Variants in TTC28 observed in about 807,000 individuals in gnomAD.
TTC28 encodes the protein tetratricopeptide repeat domain 28.
A neutral mutation model predicts 198.0 loss-of-function variants in TTC28; 61 were observed. The observed-to-expected ratio is 0.31, with a 90% CI of 0.25 to 0.38. TTC28 has a LOEUF of 0.38. TTC28 is among the 10% of genes least tolerant of loss of function. The probability of loss-of-function intolerance (pLI) is 1.00; values close to 1 mark genes in which losing one functional copy is unlikely to be tolerated. For synonymous variants in TTC28, 1,171 were observed against 1,297.8 expected (o/e 0.90, Z 2.10); for missense variants, 2,678 against 3,164.0 (o/e 0.85, Z 3.69).
chr22:28,487,924 C>A (rs2048331410), intron 2 of TTC28, among the ~76,000 whole-genome samples: 3 of 152,168 alleles, frequency 2.0e-5, no homozygotes, highest in Admixed American at 2.0e-4. Context: ...ATTCAAAATG[C>A]ATTTTGCAAC....
intron 5 of TTC28, among the ~76,000 whole-genome samples, chr22:28,198,644 C>T (rs553511150): frequency 8.5e-5 from 13 of 152,234 alleles, no homozygotes; most frequent in South Asian, 6.2e-4. Context: ...GGTTCTCCTT[C>T]ATGAAGCAGT....
At chr22:28,306,411 C>G in intron 3 of TTC28, 85 bp downstream of exon 3, 4 of 1,437,794 alleles carry the variant, frequency 2.8e-6, no homozygotes, top group Non-Finnish European at 3.7e-6. Flanking sequence ...CCTATCAATT[C>G]TCTGTGCCTG....
rs58686330 is a variant in TTC28 at position 28,641,322 on chromosome 22, CA to C, written c.103-11493del. ...CTGGCGACAGAGCAAGACTCCGTCT[CA>C]AAAAAAAAAAATAAAGAAATGAATA... On this transcript the variant is annotated intron_variant, in intron 1 of 22. Coordinates refer to ENST00000397906, the MANE Select transcript of TTC28 (RefSeq NM_001145418.2). Among the ~76,000 whole-genome samples, 1,319 of 132,850 alleles carry C rather than the reference CA, an allele frequency of 9.9e-3. 13 individuals are homozygous for C. Among genetic ancestry groups the C allele is most frequent in the Non-Finnish European group, 0.014 (883 of 62,078 alleles). The allele number at this position is 132,850 out of a possible 152,430, so 87.2% of individuals were successfully genotyped here.
In TTC28 at chr22:27,992,582, C is replaced by A. The variant is rs1937455339; in HGVS notation, c.5553+5G>T. 6.4e-7 allele frequency: 1 copy of A among 1,551,256 alleles called. No individual in the cohort carries two copies. On this transcript the variant is annotated splice_donor_5th_base_variant and intron_variant, in intron 19 of 22. Coordinates refer to ENST00000397906, the MANE Select transcript of TTC28 (RefSeq NM_001145418.2). ...CCCTGGCTCAGCCCTCCAGGCTCGACTTACCCGGCTGATGAGCTGCTCGCC... is the reference window on the plus strand; with the variant it reads ...CCCTGGCTCAGCCCTCCAGGCTCGAATTACCCGGCTGATGAGCTGCTCGCC...
At chr22:28,050,535 T>G (rs761505554) in intron 12 of TTC28, among the ~76,000 whole-genome samples, 6 of 152,140 alleles carry the variant, frequency 3.9e-5, no homozygotes, top group Non-Finnish European at 5.9e-5. Flanking sequence ...ATGCTACATG[T>G]TATTTAGGAG....
At chr22:28,353,963 T>A (rs888027147) in intron 2 of TTC28, among the ~76,000 whole-genome samples, 6 of 152,172 alleles carry the variant, frequency 3.9e-5, no homozygotes, top group African/African-American at 1.4e-4. Context: ...AAAATGCAAG[T>A]CAAAACCATA....
intron 5 of TTC28, among the ~76,000 whole-genome samples, chr22:28,229,348 T>C (rs1928621674): frequency 6.6e-6 from 1 of 152,082 alleles, no homozygotes. Flanking sequence ...CCAGCTAAAA[T>C]AAAGGGGGAC....
In TTC28 at chr22:28,089,051, T is replaced by C. The variant is rs573342102; in HGVS notation, c.3932+5029A>G. 2.0e-5 allele frequency among the ~76,000 whole-genome samples: 3 copies of C among 152,256 alleles called. No homozygotes were observed. In the East Asian group the frequency reaches 5.8e-4, roughly 29 times the overall value. On this transcript the variant is annotated intron_variant, in intron 12 of 22. Coordinates refer to ENST00000397906, the MANE Select transcript of TTC28 (RefSeq NM_001145418.2). ...GAGGATGTGGAGAAATAGGAACACT[T>C]TTACACTGTTGTTGGGACTGTAAAC...
chr22:27,989,806 A>T (rs1569069507), intron 21 of TTC28, 72 bp downstream of exon 21: 1 of 1,509,340 alleles, frequency 6.6e-7, no homozygotes, highest in Non-Finnish European at 8.9e-7. Context: ...GCCCAACAGA[A>T]ACCAGGAGGA....
chr22:28,108,141 A>G lies in TTC28; in HGVS notation c.1704T>C (p.Gly568=). The change falls in exon 7 of 23, where the codon GGT becomes GGC. Residue 568 remains glycine, a synonymous_variant. Coordinates refer to ENST00000397906, the MANE Select transcript of TTC28 (RefSeq NM_001145418.2). ...GNLAVAYQAL[G]AHDRALQHYQ... is the part of the protein sequence containing the mutation. ...AGTGTTGCAGGGCCCGGTCATGGGC[A>G]CCCAGGGCCTGGTAGGCCACGGCAA... The G allele has an allele frequency of 6.4e-7, 1 of 1,551,698 alleles. No homozygotes were observed. The highest frequency in any genetic ancestry group is 8.7e-7 in the Non-Finnish European group (1 of 1,146,998).
chr22:27,996,150 T>A lies in TTC28; in HGVS notation c.5229A>T (p.Arg1743=). ...QHPERARDAL[R]VLLHLVEKSL... is the part of the protein sequence containing the mutation. ...ACCCCCTTACCAGGTGCAGCAGCAC[T>A]CGCAGGGCGTCCCGCGCACGCTCCG... Residue 1743 remains arginine, a synonymous_variant, in exon 17 of 23, where the codon CGA becomes CGT. Transcript: ENST00000397906. 1 of 1,550,250 alleles carries A rather than the reference T, an allele frequency of 6.5e-7. No homozygotes were observed. Among genetic ancestry groups the A allele is most frequent in the Non-Finnish European group, 8.7e-7 (1 of 1,146,966 alleles).
chr22:28,184,504 A>C (rs185674900), intron 5 of TTC28, among the ~76,000 whole-genome samples: 1 of 152,174 alleles, frequency 6.6e-6, no homozygotes, highest in Non-Finnish European at 1.5e-5. Context: ...CCAGATCTTA[A>C]AACAGAACAT....
chr22:28,084,656 A>G (rs987934762), intron 12 of TTC28, among the ~76,000 whole-genome samples: 1 of 152,240 alleles, frequency 6.6e-6, no homozygotes, highest in African/African-American at 2.4e-5. Context: ...ACAAAGCTGG[A>G]CGGAGAATGA....
At chr22:28,525,116 C>A (rs995127588) in intron 2 of TTC28, among the ~76,000 whole-genome samples, 6 of 152,012 alleles carry the variant, frequency 3.9e-5, no homozygotes, top group Admixed American at 1.3e-4. Flanking sequence ...CTAAAATGTG[C>A]CATTATTAAA....
At chr22:28,420,582 AAG>A (rs1351849716) in intron 2 of TTC28, among the ~76,000 whole-genome samples, 1 of 148,712 alleles carries the variant, frequency 6.7e-6, no homozygotes, top group African/African-American at 2.5e-5. Flanking sequence ...AAAAAAAAAA[AAG>A]GTGTTTTTTT....
intron 6 of TTC28, among the ~76,000 whole-genome samples, chr22:28,143,782 G>C (rs1289926083): frequency 1.3e-5 from 2 of 152,128 alleles, no homozygotes; most frequent in East Asian, 1.9e-4. Flanking sequence ...AGGGAAAAAG[G>C]GCTCAGCAAA....
chr22:28,066,305 G>GTGTGTGTGTGT, intron 12 of TTC28, among the ~76,000 whole-genome samples: 1 of 118,362 alleles, frequency 8.4e-6, no homozygotes, highest in South Asian at 2.6e-4. Context: ...TGTGTGTGTG[G>GTGTGTGTGTGT]TGTGTGTGTG....
At chr22:28,611,839 C>T (rs1485630677) in intron 2 of TTC28, among the ~76,000 whole-genome samples, 1 of 152,024 alleles carries the variant, frequency 6.6e-6, no homozygotes, top group Non-Finnish European at 1.5e-5. Flanking sequence ...GACATGAACT[C>T]ATCATTTTAG....
chr22:28,152,599 A>G lies in TTC28; in HGVS notation c.1441+10493T>C, dbSNP rs80323866. On this transcript the variant is annotated intron_variant, in intron 6 of 22. Coordinates refer to ENST00000397906, the MANE Select transcript of TTC28 (RefSeq NM_001145418.2). Reference sequence around the variant, plus strand: ...CCTCCTAGGGCTACTGCGAGAACAAATAAGTACTATAAAACACAAATATCA... The same window carrying G: ...CCTCCTAGGGCTACTGCGAGAACAAGTAAGTACTATAAAACACAAATATCA... Among the ~76,000 whole-genome samples, 114 of 152,354 alleles carry G rather than the reference A, an allele frequency of 7.5e-4. 1 individual carries two copies. Among genetic ancestry groups the G allele is most frequent in the Non-Finnish European group, 1.2e-3 (83 of 68,028 alleles).
Sources: gnomAD v4.1 joint callset for allele counts (sites outside exome capture counted in the v4.1 genomes callset) on GRCh38, gnomAD v4.1.1 for gene constraint, MANE v1.5 for transcripts, NCBI Gene and HGNC (gene_info 2026-07-23, HGNC 2026-07-21) for gene names.